The following ESCO1 variants were observed in gnomAD, a reference collection of about 807,000 sequenced individuals.
ESCO1 encodes the protein establishment of sister chromatid cohesion N-acetyltransferase 1, also known as N-acetyltransferase ESCO1.
In ESCO1, 33 loss-of-function variants were observed where a neutral mutation model predicts 83.5. The ratio of observed to expected loss-of-function variants is 0.40; its 90% CI spans 0.30 to 0.53. ESCO1 has a LOEUF of 0.53. Ranked by LOEUF, ESCO1 falls within the 20% of genes least tolerant of loss-of-function variation. The probability of loss-of-function intolerance (pLI) is 0.63; values close to 1 mark genes in which losing one functional copy is unlikely to be tolerated. For synonymous variants in ESCO1, 332 were observed against 324.3 expected (o/e 1.02, Z -0.25); for missense variants, 855 against 968.0 (o/e 0.88, Z 1.55).
chr18:21,571,523 G>T (rs1373891016), intron 4 of ESCO1, among the ~76,000 whole-genome samples: 1 of 152,006 alleles, frequency 6.6e-6, no homozygotes, highest in Non-Finnish European at 1.5e-5. Flanking sequence ...CCAAACAGAG[G>T]GGCTGCATAA....
At chr18:21,583,659 A>C (rs894146172) in intron 2 of ESCO1, among the ~76,000 whole-genome samples, 1 of 152,098 alleles carries the variant, frequency 6.6e-6, no homozygotes, top group Non-Finnish European at 1.5e-5. Flanking sequence ...AAAAAAAAGA[A>C]AAGACATTCT....
At chr18:21,563,744 T>G (rs2038220491) in intron 7 of ESCO1, among the ~76,000 whole-genome samples, 1 of 152,200 alleles carries the variant, frequency 6.6e-6, no homozygotes, top group Non-Finnish European at 1.5e-5. Context: ...AATACAATGC[T>G]GCTATGATTT....
intron 8 of ESCO1, among the ~76,000 whole-genome samples, chr18:21,559,108 A>G (rs147703686): frequency 1.2e-4 from 19 of 152,302 alleles, no homozygotes; most frequent in Middle Eastern, 3.4e-3. Flanking sequence ...GAATACCACA[A>G]TGTTTTGGAA....
chr18:21,563,350 C>T (rs2038214249), intron 7 of ESCO1, among the ~76,000 whole-genome samples: 1 of 151,808 alleles, frequency 6.6e-6, no homozygotes, highest in Admixed American at 6.6e-5. Context: ...TGTAATAACA[C>T]CAGGAATATT....
rs749041082 is a variant in ESCO1, at chr18:21,574,055, C to A, written c.789G>T (p.Lys263Asn). The part of the protein sequence containing the change: ...TSVVPKKNEM[K>N]KSVHTQVNTN... ...TATTCACTTGTGTATGAACCGACTT[C>A]TTCATCTCATTCTTTTTCGGGACCA... Residue 263 changes from lysine to asparagine, a missense_variant, in exon 4 of 12, where the codon AAG (lysine) becomes AAT (asparagine). Lys to Asn is a moderately conservative substitution (Grantham distance 94). Around this residue, in one of 2 missense-constraint regions of ESCO1, gnomAD observed 726 missense variants for 699.5 expected, o/e 1.04. Coordinates refer to ENST00000269214, the MANE Select transcript of ESCO1 (RefSeq NM_052911.3). The A allele has an allele frequency of 6.2e-7, 1 of 1,612,396 alleles. No individual in the cohort carries two copies. Among genetic ancestry groups the A allele is most frequent in the South Asian group, 1.1e-5 (1 of 91,080 alleles).
chr18:21,588,510 C>G (rs1464555462), intron 1 of ESCO1, among the ~76,000 whole-genome samples: 1 of 151,324 alleles, frequency 6.6e-6, no homozygotes. Flanking sequence ...GCCAAATGGA[C>G]TGACTACAGA....
At chr18:21,566,114 C>T in intron 6 of ESCO1, 32 bp downstream of exon 6, 3 of 1,595,114 alleles carry the variant, frequency 1.9e-6, no homozygotes, top group Non-Finnish European at 2.6e-6. Context: ...AAGTTAAAAT[C>T]CTTAAGCTCT....
At chr18:21,554,504 T>G (rs2038087484) in intron 8 of ESCO1, among the ~76,000 whole-genome samples, 3 of 152,142 alleles carry the variant, frequency 2.0e-5, no homozygotes, top group Admixed American at 2.0e-4. Flanking sequence ...CAGTGGCTCA[T>G]GCCTATAATG....
intron 1 of ESCO1, among the ~76,000 whole-genome samples, chr18:21,584,724 T>C (rs1022862689): frequency 2.0e-5 from 3 of 151,910 alleles, no homozygotes; most frequent in Non-Finnish European, 4.4e-5. Flanking sequence ...GAGGCTGAGG[T>C]GGGCGTATCA....
At chr18:21,546,808 A>C (rs1475157570) in intron 8 of ESCO1, among the ~76,000 whole-genome samples, 1 of 152,122 alleles carries the variant, frequency 6.6e-6, no homozygotes, top group African/African-American at 2.4e-5. Context: ...TGGCCTCCCA[A>C]AGTGCTGGGA....
chr18:21,578,940 AACCTCC>A (rs1267062760), intron 2 of ESCO1, among the ~76,000 whole-genome samples: 10 of 152,096 alleles, frequency 6.6e-5, no homozygotes, highest in African/African-American at 1.9e-4. Context: ...GGCTCACTGC[AACCTCC>A]ACCTCCTGGG....
intron 2 of ESCO1, among the ~76,000 whole-genome samples, chr18:21,579,792 GCGCACACACACACACACACACACA>G (rs1368818014): frequency 5.9e-5 from 8 of 135,068 alleles, no homozygotes; most frequent in East Asian, 2.2e-4. Context: ...ACACGCGCGC[GCGCACACACACACACACACACACA>G]CACACACACA....
At chr18:21,553,769 A>T (rs1401329606) in intron 8 of ESCO1, among the ~76,000 whole-genome samples, 2 of 151,518 alleles carry the variant, frequency 1.3e-5, no homozygotes, top group African/African-American at 4.8e-5. Flanking sequence ...AGGCAGGAAA[A>T]TCGCTTGAAC....
chr18:21,555,052 C>A (rs1598460558), intron 8 of ESCO1, among the ~76,000 whole-genome samples: 1 of 151,922 alleles, frequency 6.6e-6, no homozygotes, highest in Admixed American at 6.6e-5. Flanking sequence ...GCAGAGATCA[C>A]GCCACTGCAC....
At chr18:21,577,355 CT>C (rs71178186) in intron 2 of ESCO1, among the ~76,000 whole-genome samples, 9 of 51,430 alleles carry the variant, frequency 1.7e-4, no homozygotes, top group African/African-American at 4.8e-4. Flanking sequence ...GAGACTCCAT[CT>C]TTTTTAAAAA....
chr18:21,574,280 T>C lies in ESCO1; in HGVS notation c.564A>G (p.Glu188=), dbSNP rs2038386622. The C allele has an allele frequency of 6.2e-7, 1 of 1,613,718 alleles. No homozygotes were observed. The highest frequency in any genetic ancestry group is 1.1e-5 in the South Asian group (1 of 91,028). Residue 188 remains glutamate (E), a synonymous_variant, in exon 4 of 12, where the codon GAA becomes GAG. Coordinates refer to ENST00000269214, the MANE Select transcript of ESCO1 (RefSeq NM_052911.3). ...CTTCATTAATTACTAGATTTTCATC[T>C]TCTTTAGAGTCAGACTTTACTTCCA... ...KVLEVKSDSK[E]DENLVINEVI...
At chr18:21,535,862 A>T (rs574734522) in intron 10 of ESCO1, among the ~76,000 whole-genome samples, 180 bp downstream of exon 10, 2 of 152,358 alleles carry the variant, frequency 1.3e-5, no homozygotes, top group East Asian at 3.9e-4. Context: ...TGACTTGAGA[A>T]ACTAATTCCC....
intron 2 of ESCO1, among the ~76,000 whole-genome samples, chr18:21,579,233 A>T (rs1326050376): frequency 6.6e-6 from 1 of 151,788 alleles, no homozygotes; most frequent in Non-Finnish European, 1.5e-5. Context: ...GCCTCAAGTG[A>T]TCCACCCACT....
intron 8 of ESCO1, among the ~76,000 whole-genome samples, chr18:21,542,279 G>A (rs2037916705): frequency 6.6e-6 from 1 of 152,012 alleles, no homozygotes; most frequent in Non-Finnish European, 1.5e-5. Flanking sequence ...TCAAACTCCT[G>A]GGGCTCAAGC....
Sources: allele counts gnomAD v4.1 joint callset (sites outside exome capture counted in the v4.1 genomes callset), GRCh38; gene constraint gnomAD v4.1.1; regional missense constraint gnomAD v4.1.1; transcripts MANE v1.5; gene names NCBI Gene and HGNC (gene_info 2026-07-23, HGNC 2026-07-21).